PTPRJ: variants seen among roughly 807,000 people sequenced by gnomAD.
The protein encoded by PTPRJ is protein tyrosine phosphatase receptor type J, also known as receptor-type tyrosine-protein phosphatase eta.
A neutral mutation model predicts 141.3 loss-of-function variants in PTPRJ; 129 were observed. The ratio of observed to expected loss-of-function variants is 0.91; its 90% CI spans 0.79 to 1.06. The LOEUF (loss-of-function observed/expected upper bound fraction) is 1.06, where lower values mean the gene tolerates loss of function less well. Among genes scored for constraint, PTPRJ ranks in the 50% least tolerant of loss-of-function variants. The pLI, the probability that PTPRJ is intolerant of heterozygous loss-of-function variation, is 0.00. For missense variants in PTPRJ, 1,601 were observed against 1,679.7 expected (o/e 0.95, Z 0.82); for synonymous variants, 610 against 640.5 (o/e 0.95, Z 0.72).
chr11:48,006,908 CA>C (rs1374597476), intron 1 of PTPRJ, among the ~76,000 whole-genome samples: 4 of 151,980 alleles, frequency 2.6e-5, no homozygotes, highest in Admixed American at 2.6e-4. Context: ...ATGAGTCAGT[CA>C]TTTTTTTTTA....
At chr11:48,000,230 T>A (rs1035218963) in intron 1 of PTPRJ, among the ~76,000 whole-genome samples, 2 of 151,162 alleles carry the variant, frequency 1.3e-5, no homozygotes, top group African/African-American at 2.4e-5. Context: ...AGCCTCAACT[T>A]CCTGGGCTCA....
intron 1 of PTPRJ, among the ~76,000 whole-genome samples, chr11:48,024,190 T>G (rs1853741849): frequency 6.6e-6 from 1 of 151,960 alleles, no homozygotes; most frequent in African/African-American, 2.4e-5. Flanking sequence ...ACACTTACAT[T>G]TTTTTTCTTT....
intron 7 of PTPRJ, among the ~76,000 whole-genome samples, chr11:48,129,712 CTGTAGT>C (rs1856924788): frequency 6.6e-6 from 1 of 152,156 alleles, no homozygotes; most frequent in South Asian, 2.1e-4. Flanking sequence ...GAAGTCTCTG[CTGTAGT>C]TGCGGGATCC....
chr11:48,113,559 G>T (rs1856491635), intron 3 of PTPRJ, among the ~76,000 whole-genome samples: 1 of 152,184 alleles, frequency 6.6e-6, no homozygotes, highest in Non-Finnish European at 1.5e-5. Context: ...TATTTATTCT[G>T]TGGCCCTTAC....
intron 18 of PTPRJ, among the ~76,000 whole-genome samples, chr11:48,152,644 T>C (rs981580864): frequency 6.6e-6 from 1 of 152,350 alleles, no homozygotes; most frequent in African/African-American, 2.4e-5. Context: ...TTTCTACATA[T>C]GGCTAGCCAG....
chr11:48,142,064 G>A (rs1299026652), intron 11 of PTPRJ, among the ~76,000 whole-genome samples: 2 of 147,438 alleles, frequency 1.4e-5, no homozygotes, highest in Admixed American at 6.8e-5. Context: ...TTATGCTCAC[G>A]GATACACAGT....
chr11:48,128,415 A>C (rs1210547642), intron 7 of PTPRJ, among the ~76,000 whole-genome samples: 1 of 152,174 alleles, frequency 6.6e-6, no homozygotes, highest in Non-Finnish European at 1.5e-5. Context: ...CCTGGTATTC[A>C]TATCCCCTTG....
rs1857318895 is a variant in PTPRJ at position 48,145,047 on chromosome 11, A to G, written c.2834A>G (p.Lys945Arg). 6.2e-7 allele frequency: 1 copy of G among 1,614,168 alleles called. No homozygotes were observed. The highest frequency in any genetic ancestry group is 2.2e-5 in the East Asian group (1 of 44,882). The change falls in exon 14 of 25, where the codon AAG becomes AGG. Residue 945 changes from lysine to arginine, a missense_variant. Lys to Arg is a conservative substitution (Grantham distance 26, BLOSUM62 2). Coordinates refer to ENST00000418331, the MANE Select transcript of PTPRJ (RefSeq NM_002843.4). The part of the protein sequence containing the change: ...FTNITFHPQN[K>R]GLIDGAESYV... ...AACATTACCTTCCACCCTCAAAACAAGGGGCTCATTGATGGGGCTGAGAGC... is the reference window on the plus strand; with the variant it reads ...AACATTACCTTCCACCCTCAAAACAGGGGGCTCATTGATGGGGCTGAGAGC...
At chr11:48,066,342 T>G (rs1855080915) in intron 1 of PTPRJ, among the ~76,000 whole-genome samples, 1 of 152,118 alleles carries the variant, frequency 6.6e-6, no homozygotes, top group African/African-American at 2.4e-5. Context: ...AGCTTGTGTA[T>G]TTTATACATT....
chr11:48,067,601 T>C (rs985204810), intron 1 of PTPRJ, among the ~76,000 whole-genome samples: 3 of 152,110 alleles, frequency 2.0e-5, no homozygotes, highest in Admixed American at 1.3e-4. Context: ...ACAGCAATTA[T>C]CCAAACCACT....
At chr11:48,135,520 C>A in intron 8 of PTPRJ, among the ~76,000 whole-genome samples, 1 of 103,746 alleles carries the variant, frequency 9.6e-6, no homozygotes, top group African/African-American at 4.0e-5. Context: ...CTCATTCTGT[C>A]GCCCAGGCTG....
Position 48,109,284 on chromosome 11 carries a change from TA to T in PTPRJ, c.97-763del, listed in dbSNP as rs34900809. Among the ~76,000 whole-genome samples, 19 of 150,068 alleles carry T rather than the reference TA, an allele frequency of 1.3e-4. No individual in the cohort carries two copies. In the South Asian group the frequency reaches 3.1e-3, roughly 25 times the overall value. Reference sequence around the variant, plus strand: ...TTTTATTCTTCGTGACGATCCTACTTAAAAAAAAAAATCTTATTCACCAAAA... The same window carrying T: ...TTTTATTCTTCGTGACGATCCTACTTAAAAAAAAAATCTTATTCACCAAAA... On this transcript the variant is annotated intron_variant, in intron 1 of 24. Transcript: ENST00000418331.
intron 1 of PTPRJ, among the ~76,000 whole-genome samples, chr11:48,100,839 G>A (rs1320979823): frequency 2.0e-5 from 3 of 150,062 alleles, no homozygotes; most frequent in Non-Finnish European, 3.0e-5. Flanking sequence ...CCGAGATTGC[G>A]CCATTGCACT....
intron 1 of PTPRJ, among the ~76,000 whole-genome samples, chr11:47,995,769 G>A (rs2048431265): frequency 6.6e-6 from 1 of 152,246 alleles, no homozygotes; most frequent in African/African-American, 2.4e-5. Flanking sequence ...GTCAGGCGTG[G>A]TGGCTCACGC....
intron 1 of PTPRJ, 86 bp from the exon 2 acceptor site, chr11:48,109,972 A>G (rs936477659): frequency 6.7e-7 from 1 of 1,493,174 alleles, no homozygotes; most frequent in Non-Finnish European, 9.3e-7. Flanking sequence ...CACCCCCATT[A>G]TTAAATCCTC....
chr11:48,157,540 GTT>G (rs1481156873), intron 21 of PTPRJ, among the ~76,000 whole-genome samples: 6 of 152,206 alleles, frequency 3.9e-5, no homozygotes, highest in Non-Finnish European at 8.8e-5. Context: ...TCGGAATTGC[GTT>G]TCTGCCAGTT....
chr11:48,075,548 C>T (rs995187630), intron 1 of PTPRJ, among the ~76,000 whole-genome samples: 3 of 152,066 alleles, frequency 2.0e-5, no homozygotes, highest in Non-Finnish European at 4.4e-5. Context: ...TTAGCCTCCC[C>T]AGTAGCTAGG....
chr11:48,164,826 G>A (rs1461631998), intron 24 of PTPRJ, among the ~76,000 whole-genome samples: 2 of 150,164 alleles, frequency 1.3e-5, no homozygotes, highest in African/African-American at 2.5e-5. Context: ...TCAGTGTCCC[G>A]AAGTGCTGGG....
intron 1 of PTPRJ, among the ~76,000 whole-genome samples, chr11:48,053,232 TATATA>T (rs1350170981): frequency 4.5e-4 from 40 of 89,330 alleles, no homozygotes; most frequent in African/African-American, 1.7e-3. Context: ...AAATATATTA[TATATA>T]ATATATTTAT....
Sources: gnomAD v4.1 joint callset for allele counts (sites outside exome capture counted in the v4.1 genomes callset) on GRCh38, gnomAD v4.1.1 for gene constraint, MANE v1.5 for transcripts, NCBI Gene and HGNC (gene_info 2026-07-23, HGNC 2026-07-21) for gene names.